IQGAP2: variants seen among roughly 807,000 people sequenced by gnomAD.
The protein encoded by IQGAP2 is IQ motif containing GTPase activating protein 2.
Under a neutral mutation model 201.3 loss-of-function variants are expected in IQGAP2, and 173 were observed. The observed-to-expected ratio is 0.86, with a 90% CI of 0.76 to 0.98. IQGAP2 has a LOEUF of 0.98. Among genes scored for constraint, IQGAP2 ranks in the 50% least tolerant of loss-of-function variants. The probability of loss-of-function intolerance (pLI) is 0.00; values close to 1 mark genes in which losing one functional copy is unlikely to be tolerated. For synonymous variants in IQGAP2, 675 were observed against 673.9 expected (o/e 1.00, Z -0.03); for missense variants, 1,687 against 1,864.8 (o/e 0.90, Z 1.76).
chr5:76,653,451 T>A (rs1175195501), intron 18 of IQGAP2, among the ~76,000 whole-genome samples: 1 of 152,096 alleles, frequency 6.6e-6, no homozygotes, highest in Non-Finnish European at 1.5e-5. Flanking sequence ...GAAAGTAGAA[T>A]CAGATTAGTT....
chr5:76,671,889 A>T lies in IQGAP2; in HGVS notation c.2974A>T (p.Ile992Phe). ...RQLLAPVVKE[I>F]IDDKSLIINT... ...ACTCCTGGCTCCAGTGGTAAAAGAG[A>T]TCATCGACGACAAGTCGCTGATTAT... Residue 992 changes from isoleucine to phenylalanine, a missense_variant, in exon 24 of 36, where the codon ATC becomes TTC. By Grantham distance (21) the Ile-to-Phe change is conservative (BLOSUM62 0). Coordinates refer to ENST00000274364, the MANE Select transcript of IQGAP2 (RefSeq NM_006633.5). 1 of 1,614,036 alleles carries T rather than the reference A, an allele frequency of 6.2e-7. No homozygotes were observed. Among genetic ancestry groups the T allele is most frequent in the Non-Finnish European group, 8.5e-7 (1 of 1,180,012 alleles).
At position 76,544,713 on chromosome 5, in the gene IQGAP2, G is replaced by A. The variant is rs567158657; in HGVS notation, c.147-17683G>A. Among the ~76,000 whole-genome samples, 12 of 152,206 alleles carry A rather than the reference G, an allele frequency of 7.9e-5. No individual in the cohort carries two copies. In the South Asian group the frequency reaches 2.1e-3, roughly 26 times the overall value. ...TAATTTTTTTTGGTCATATATACAC[G>A]TGGTGCAAAATGTAAAAGGCCCAAA... On this transcript the variant is annotated intron_variant, in intron 2 of 35. Coordinates refer to ENST00000274364, the MANE Select transcript of IQGAP2 (RefSeq NM_006633.5).
chr5:76,487,858 A>G (rs992492260), intron 2 of IQGAP2, among the ~76,000 whole-genome samples: 2 of 152,232 alleles, frequency 1.3e-5, no homozygotes, highest in East Asian at 3.8e-4. Context: ...ACTCAGACAC[A>G]TGGAATATGT....
chr5:76,466,013 TA>T (rs1754754803), intron 2 of IQGAP2, among the ~76,000 whole-genome samples: 1 of 152,108 alleles, frequency 6.6e-6, no homozygotes, highest in Non-Finnish European at 1.5e-5. Context: ...TCTTTTTTTT[TA>T]AATGGAGAAA....
chr5:76,436,841 T>C (rs1392767262), intron 1 of IQGAP2, among the ~76,000 whole-genome samples: 1 of 151,718 alleles, frequency 6.6e-6, no homozygotes, highest in East Asian at 1.9e-4. Context: ...CGTATGGTTT[T>C]GTATTTAATT....
intron 1 of IQGAP2, among the ~76,000 whole-genome samples, chr5:76,424,802 G>C (rs1751908800): frequency 6.6e-6 from 1 of 152,164 alleles, no homozygotes; most frequent in African/African-American, 2.4e-5. Context: ...CCTCTCCTGT[G>C]ACCTGAAGTA....
chr5:76,447,397 C>T (rs112179910), intron 1 of IQGAP2, among the ~76,000 whole-genome samples: 5,130 of 152,210 alleles, frequency 0.034, 259 homozygotes, highest in African/African-American at 0.11. Flanking sequence ...CCTGGGCATT[C>T]AAGCCGGCAA....
intron 5 of IQGAP2, among the ~76,000 whole-genome samples, chr5:76,582,206 A>G (rs1745918310): frequency 6.6e-6 from 1 of 152,244 alleles, no homozygotes. Context: ...CAGCCAGCCA[A>G]TGGCTTCAAA....
intron 2 of IQGAP2, among the ~76,000 whole-genome samples, chr5:76,522,207 G>A (rs1444241841): frequency 1.5e-4 from 22 of 151,056 alleles, no homozygotes; most frequent in Admixed American, 1.3e-3. Context: ...TCTAAAGGCG[G>A]AGTGTTTCTC....
intron 2 of IQGAP2, among the ~76,000 whole-genome samples, chr5:76,526,601 A>G (rs1758989766): frequency 6.6e-6 from 1 of 152,192 alleles, no homozygotes; most frequent in African/African-American, 2.4e-5. Context: ...AATAACTAGA[A>G]CTGGTGTTGC....
intron 21 of IQGAP2, among the ~76,000 whole-genome samples, chr5:76,662,183 T>C (rs1402766300): frequency 6.6e-6 from 1 of 152,220 alleles, no homozygotes; most frequent in Non-Finnish European, 1.5e-5. Context: ...GAAGAGGGGC[T>C]ATCCCCATTG....
chr5:76,586,198 T>C (rs1031297530), intron 5 of IQGAP2, among the ~76,000 whole-genome samples: 6 of 152,212 alleles, frequency 3.9e-5, no homozygotes, highest in African/African-American at 1.2e-4. Flanking sequence ...CTAAGGAATG[T>C]ATCCTCTCTT....
chr5:76,563,712 A>AT (rs57351968), intron 3 of IQGAP2, among the ~76,000 whole-genome samples: 1 of 151,968 alleles, frequency 6.6e-6, no homozygotes. Flanking sequence ...CTTGATCTTT[A>AT]TTTTTTTAAT....
chr5:76,675,604 T>C (rs1744738820), intron 27 of IQGAP2, among the ~76,000 whole-genome samples: 1 of 152,222 alleles, frequency 6.6e-6, no homozygotes, highest in Non-Finnish European at 1.5e-5. Flanking sequence ...ACTTTCCTCT[T>C]GTCATGTTTG....
In IQGAP2 at chr5:76,589,597, T is replaced by G. The variant is rs1746502476; in HGVS notation, c.527-18T>G. 1 of 1,361,424 alleles carries G rather than the reference T, an allele frequency of 7.3e-7. No individual in the cohort carries two copies. The highest frequency in any genetic ancestry group is 1.0e-6 in the Non-Finnish European group (1 of 967,174). 84.3% of individuals were successfully genotyped at this position (1,361,424 alleles called of 1,614,324 possible). A position where few individuals can be genotyped will look rare whatever the true frequency, so the allele number is the denominator to read the frequency against. On this transcript the variant is annotated intron_variant, in intron 6 of 35. Coordinates refer to ENST00000274364, the MANE Select transcript of IQGAP2 (RefSeq NM_006633.5). ...AGCTTTCTCTGATAATGATTATGATTATTTTGTTCTTTGTTAGAGGAGGAA... is the reference window on the plus strand; with the variant it reads ...AGCTTTCTCTGATAATGATTATGATGATTTTGTTCTTTGTTAGAGGAGGAA...
chr5:76,453,732 A>T (rs898028655), intron 1 of IQGAP2, among the ~76,000 whole-genome samples: 2 of 152,224 alleles, frequency 1.3e-5, no homozygotes, highest in Non-Finnish European at 2.9e-5. Flanking sequence ...CTGGGTCTTT[A>T]AACTATTCAT....
At chr5:76,438,934 T>C (rs2150101880) in intron 1 of IQGAP2, among the ~76,000 whole-genome samples, 1 of 148,230 alleles carries the variant, frequency 6.7e-6, no homozygotes, top group Middle Eastern at 3.4e-3. Context: ...TTTCTAGTTT[T>C]AGCTTTGTGT....
At chr5:76,485,996 T>A (rs948763236) in intron 2 of IQGAP2, among the ~76,000 whole-genome samples, 21 of 152,228 alleles carry the variant, frequency 1.4e-4, no homozygotes, top group Non-Finnish European at 3.1e-4. Flanking sequence ...AAAAACTTGA[T>A]CCTTGATGTT....
intron 2 of IQGAP2, among the ~76,000 whole-genome samples, chr5:76,508,695 G>GT (rs1300865547): frequency 1.3e-5 from 2 of 149,120 alleles, no homozygotes; most frequent in African/African-American, 4.9e-5. Context: ...TTTTTGTTTT[G>GT]TTTTGTTTTT....
Sources: allele counts gnomAD v4.1 joint callset (sites outside exome capture counted in the v4.1 genomes callset), GRCh38; gene constraint gnomAD v4.1.1; transcripts MANE v1.5; gene names NCBI Gene and HGNC (gene_info 2026-07-23, HGNC 2026-07-21).